The following VPS13A variants were observed in gnomAD, a reference collection of about 807,000 sequenced individuals.
VPS13A encodes vacuolar protein sorting 13 homolog A.
A neutral mutation model predicts 390.9 loss-of-function variants in VPS13A; 264 were observed. The observed-to-expected ratio is 0.68, with a 90% CI of 0.61 to 0.75. The LOEUF is 0.75. VPS13A is among the 30% of genes least tolerant of loss of function. The probability of loss-of-function intolerance (pLI) is 0.00; values close to 1 mark genes in which losing one functional copy is unlikely to be tolerated. For synonymous variants in VPS13A, 1,231 were observed against 1,227.1 expected (o/e 1.00, Z -0.07); for missense variants, 3,409 against 3,733.9 (o/e 0.91, Z 2.27).
intron 67 of VPS13A, among the ~76,000 whole-genome samples, chr9:77,377,360 C>G (rs1031588570): frequency 6.6e-6 from 1 of 151,660 alleles, no homozygotes; most frequent in East Asian, 1.9e-4. Context: ...GCTGGGACTA[C>G]AGGCGCCCGC....
intron 36 of VPS13A, 22 bp from the exon 37 acceptor site, chr9:77,314,473 G>C: frequency 1.2e-6 from 2 of 1,606,756 alleles, no homozygotes; most frequent in East Asian, 2.2e-5. Context: ...TTGTAATTTT[G>C]TGTTGGTTTC....
intron 32 of VPS13A, among the ~76,000 whole-genome samples, chr9:77,294,382 T>C (rs1827854871): frequency 6.6e-6 from 1 of 152,176 alleles, no homozygotes; most frequent in African/African-American, 2.4e-5. Context: ...TCAGCTGATA[T>C]TTTTTCCTGT....
chr9:77,205,431 A>T, intron 4 of VPS13A, 23 bp downstream of exon 4: 1 of 1,150,340 alleles, frequency 8.7e-7, no homozygotes, highest in Non-Finnish European at 1.2e-6. Context: ...TAAAAAAATT[A>T]TAATTTAAGT....
Position 77,283,593 on chromosome 9 carries a change from C to A in VPS13A, c.3282C>A (p.Asn1094Lys), listed in dbSNP as rs372019796. The change falls in exon 31 of 72, where the codon AAC becomes AAA. Residue 1094 changes from asparagine to lysine, a missense_variant. Around this residue, in one of 5 missense-constraint regions of VPS13A, gnomAD observed 2,717 missense variants for 2,917.4 expected, o/e 0.93. Coordinates refer to ENST00000360280, the MANE Select transcript of VPS13A (RefSeq NM_033305.3). Reference protein sequence around the residue: ...MIMRPSETEINAKLRNIIVLD... With the variant: ...MIMRPSETEIKAKLRNIIVLD... ...TGAGGCCTTCAGAAACTGAAATAAA[C>A]GCAAAGCTAAGGAATATAATTGTTT... 6.2e-7 allele frequency: 1 copy of A among 1,613,206 alleles called. No homozygotes were observed.
intron 15 of VPS13A, 148 bp from the exon 16 acceptor site, chr9:77,227,243 G>T: frequency 3.2e-6 from 2 of 626,540 alleles, no homozygotes. Context: ...TTGTAAAATT[G>T]CCAGCCCCAT....
At chr9:77,199,020 C>G (rs185979178) in intron 1 of VPS13A, among the ~76,000 whole-genome samples, 36 of 152,126 alleles carry the variant, frequency 2.4e-4, no homozygotes, top group African/African-American at 6.7e-4. Context: ...GAGAGTTAAG[C>G]CATTTATATT....
intron 17 of VPS13A, among the ~76,000 whole-genome samples, chr9:77,235,650 T>G (rs891566844): frequency 1.3e-5 from 2 of 152,192 alleles, no homozygotes; most frequent in South Asian, 4.1e-4. Flanking sequence ...CTTTTTCTCA[T>G]GTCCTTCGGA....
intron 13 of VPS13A, among the ~76,000 whole-genome samples, chr9:77,223,628 A>G (rs373382749): frequency 2.0e-5 from 3 of 152,298 alleles, no homozygotes; most frequent in South Asian, 4.1e-4. Flanking sequence ...CAATACTATA[A>G]AGACTGAGAG....
chr9:77,187,872 A>C (rs1254893698), intron 1 of VPS13A, among the ~76,000 whole-genome samples: 1 of 151,748 alleles, frequency 6.6e-6, no homozygotes, highest in Non-Finnish European at 1.5e-5. Context: ...CACACCCTCC[A>C]CCCTCAAGTA....
chr9:77,293,244 TCTAA>T (rs778718761), intron 31 of VPS13A, 93 bp from the exon 32 acceptor site: 31 of 1,143,810 alleles, frequency 2.7e-5, no homozygotes, highest in Admixed American at 3.9e-5. Flanking sequence ...TGGGAGATTT[TCTAA>T]CTATGTTTTG....
At chr9:77,185,147 CTTTT>C (rs936326410) in intron 1 of VPS13A, among the ~76,000 whole-genome samples, 1 of 144,774 alleles carries the variant, frequency 6.9e-6, no homozygotes, top group Admixed American at 6.9e-5. Context: ...GACATTATCT[CTTTT>C]TTTTTTTTTG....
chr9:77,306,356 A>G (rs1249698148), intron 34 of VPS13A, among the ~76,000 whole-genome samples: 1 of 150,396 alleles, frequency 6.6e-6, no homozygotes, highest in Non-Finnish European at 1.5e-5. Flanking sequence ...GATCTTTTTT[A>G]CATTATTTCT....
intron 46 of VPS13A, 65 bp from the exon 47 acceptor site, chr9:77,337,190 T>A (rs1337140566): frequency 2.1e-6 from 3 of 1,446,496 alleles, no homozygotes; most frequent in Non-Finnish European, 2.8e-6. Context: ...TCTAAAGCTG[T>A]AATTATATAG....
At chr9:77,250,277 A>G (rs1490740992) in intron 21 of VPS13A, 48 bp downstream of exon 21, 1 of 1,604,488 alleles carries the variant, frequency 6.2e-7, no homozygotes, top group Non-Finnish European at 8.5e-7. Context: ...TGAAGTGATT[A>G]ATTAGGTTTT....
At chr9:77,224,135 A>G (rs537212839) in intron 13 of VPS13A, among the ~76,000 whole-genome samples, 3 of 152,236 alleles carry the variant, frequency 2.0e-5, no homozygotes, top group African/African-American at 7.2e-5. Context: ...GTAAAAAAAG[A>G]TTTTTTTCAA....
chr9:77,209,899 A>G (rs563556081), intron 6 of VPS13A, among the ~76,000 whole-genome samples: 4 of 152,176 alleles, frequency 2.6e-5, no homozygotes, highest in Non-Finnish European at 5.9e-5. Flanking sequence ...TGAATAGGTC[A>G]TTTGTTTTCT....
At position 77,419,814 on chromosome 9, in the gene VPS13A, C is replaced by T. The variant is rs898331252; in HGVS notation, c.*3808C>T. ...AGTCCGTTGAATCTGCACCATCTAC[C>T]TTTTGGCTGATTCACCATACAGGTG... On this transcript the variant is annotated 3_prime_UTR_variant, in exon 72 of 72. Coordinates refer to ENST00000360280, the MANE Select transcript of VPS13A (RefSeq NM_033305.3). The T allele has an allele frequency of 2.0e-5, 3 of 152,156 alleles. No homozygotes were observed. The highest frequency in any genetic ancestry group is 6.5e-5 in the Admixed American group (1 of 15,270). The allele number at this position is 152,156 out of a possible 1,614,324, so 9.4% of individuals were successfully genotyped here.
At chr9:77,378,257 A>G (rs1563975618) in intron 67 of VPS13A, among the ~76,000 whole-genome samples, 1 of 152,088 alleles carries the variant, frequency 6.6e-6, no homozygotes, top group Non-Finnish European at 1.5e-5. Context: ...AAATTTGGAG[A>G]ATTGATCAGT....
At chr9:77,377,806 AG>A (rs1833191794) in intron 67 of VPS13A, among the ~76,000 whole-genome samples, 1 of 152,126 alleles carries the variant, frequency 6.6e-6, no homozygotes, top group African/African-American at 2.4e-5. Flanking sequence ...TTTTAATCTT[AG>A]GGGGAAAGCT....
Sources: gnomAD v4.1 joint callset for allele counts (sites outside exome capture counted in the v4.1 genomes callset) on GRCh38, gnomAD v4.1.1 for gene constraint, gnomAD v4.1.1 regional missense constraint, MANE v1.5 for transcripts, NCBI Gene and HGNC (gene_info 2026-07-23, HGNC 2026-07-21) for gene names.